DISP1: variants seen among roughly 807,000 people sequenced by gnomAD.
DISP1 encodes the protein dispatched RND transporter family member 1, also known as protein dispatched homolog 1.
Under a neutral mutation model 37.3 loss-of-function variants are expected in DISP1, and 30 were observed. That is an observed-to-expected ratio of 0.80 (90% CI 0.60 to 1.09). The LOEUF (loss-of-function observed/expected upper bound fraction) is 1.09. Among genes scored for constraint, DISP1 ranks in the 50% least tolerant of loss-of-function variants. DISP1 has a pLI of 0.00. For missense variants in DISP1, 1,598 were observed against 1,879.5 expected (o/e 0.85, Z 2.77); for synonymous variants, 634 against 690.2 (o/e 0.92, Z 1.28).
intron 3 of DISP1, among the ~76,000 whole-genome samples, chr1:222,971,850 G>A (rs1361552475): frequency 6.6e-6 from 1 of 152,096 alleles, no homozygotes; most frequent in Non-Finnish European, 1.5e-5. Flanking sequence ...TAGTGAAAAT[G>A]TGGAAAGGTT....
chr1:222,867,224 C>T (rs1572378779), intron 1 of DISP1, among the ~76,000 whole-genome samples: 1 of 152,288 alleles, frequency 6.6e-6, no homozygotes, highest in East Asian at 1.9e-4. Context: ...CCTTGATGGT[C>T]ATTGAACATT....
intron 1 of DISP1, among the ~76,000 whole-genome samples, chr1:222,870,486 C>T (rs1382934279): frequency 6.6e-6 from 1 of 152,166 alleles, no homozygotes; most frequent in Non-Finnish European, 1.5e-5. Context: ...GCCATTCTAA[C>T]TGGTGTGAGA....
intron 1 of DISP1, among the ~76,000 whole-genome samples, chr1:222,873,887 G>T (rs1669769902): frequency 6.6e-6 from 1 of 152,098 alleles, no homozygotes; most frequent in East Asian, 1.9e-4. Context: ...TTTACAATTT[G>T]GCATGTTTTT....
Position 222,978,826 on chromosome 1 carries a change from G to A in DISP1, c.510-4254G>A, listed in dbSNP as rs186297169. Among the ~76,000 whole-genome samples, 1,221 of 152,280 alleles carry A rather than the reference G, an allele frequency of 8.0e-3. 21 individuals are homozygous for A. The highest frequency in any genetic ancestry group is 0.028 in the African/African-American group (1,158 of 41,544). On this transcript the variant is annotated intron_variant, in intron 3 of 8. Coordinates refer to ENST00000675850, the MANE Select transcript of DISP1 (RefSeq NM_001377229.1). Reference sequence around the variant, plus strand: ...TGTCAGGTTTGTCAAAGATCAGATAGTTGTAGATATGTGGCATTATTTCTG... The same window carrying A: ...TGTCAGGTTTGTCAAAGATCAGATAATTGTAGATATGTGGCATTATTTCTG...
At chr1:223,002,309 G>A (rs1352988887) in intron 8 of DISP1, 76 bp from the exon 9 acceptor site, 14 of 1,326,386 alleles carry the variant, frequency 1.1e-5, no homozygotes, top group Non-Finnish European at 1.3e-5. Context: ...GATCACCTTA[G>A]TGCAGTCCTT....
Position 222,934,246 on chromosome 1 carries a change from C to T in DISP1, c.-18+5676C>T, listed in dbSNP as rs1029294891. Among the ~76,000 whole-genome samples the T allele has an allele frequency of 5.9e-5, 9 of 151,912 alleles. No individual in the cohort carries two copies. In the East Asian group the frequency reaches 1.5e-3, roughly 26 times the overall value. On this transcript the variant is annotated intron_variant, in intron 2 of 8. Coordinates refer to ENST00000675850, the MANE Select transcript of DISP1 (RefSeq NM_001377229.1). ...CATACTGGTCTGAGATTAAAGCATG[C>T]AATTTGGATTAGCTACTTTAATATT...
intron 1 of DISP1, among the ~76,000 whole-genome samples, chr1:222,878,808 A>G (rs924564631): frequency 6.6e-6 from 1 of 152,174 alleles, no homozygotes; most frequent in African/African-American, 2.4e-5. Flanking sequence ...GCACCTTCAA[A>G]TATTCATTTT....
Position 222,942,797 on chromosome 1 carries a change from TCTTA to T in DISP1, c.-17-5_-17-2del, listed in dbSNP as rs942951548. On this transcript the variant is annotated splice_polypyrimidine_tract_variant and splice_region_variant and intron_variant, in intron 2 of 8. Transcript: ENST00000675850. ...CTGTAACTGGGCGATTTTATGATTT[TCTTA>T]CTTAGAGTCAAGAAATTGGAGCATG... is the stretch of plus-strand genomic sequence containing the variant. The T allele has an allele frequency of 1.2e-6, 2 of 1,614,004 alleles. No individual in the cohort carries two copies. Among genetic ancestry groups the T allele is most frequent in the African/African-American group, 1.3e-5 (1 of 74,902 alleles).
intron 2 of DISP1, among the ~76,000 whole-genome samples, chr1:222,940,133 A>C (rs918924415): frequency 1.7e-5 from 2 of 120,456 alleles, no homozygotes; most frequent in Middle Eastern, 3.9e-3. Context: ...CTCAAAAAAA[A>C]AAAGAAAAGA....
At chr1:222,842,384 C>T (rs1558287694) in intron 1 of DISP1, among the ~76,000 whole-genome samples, 1 of 151,406 alleles carries the variant, frequency 6.6e-6, no homozygotes, top group Non-Finnish European at 1.5e-5. Context: ...GGACAGAACA[C>T]TATTTGTCCT....
rs757026962 is a variant in DISP1 at position 223,004,500 on chromosome 1, A to G, written c.3103A>G (p.Asn1035Asp). The change falls in exon 9 of 9, where the codon AAT becomes GAT. Residue 1035 changes from asparagine to aspartate, a missense_variant. Asn to Asp is a conservative substitution (Grantham distance 23). Transcript: ENST00000675850. This position sits in a 1 kb window ranked among gnomAD's most constrained non-coding sequence, Gnocchi z 4.9. Reference sequence around the variant, plus strand: ...TCTTGTCCTGCTGGGCTGGGAGCTCAATGTGTTGGAATCTGTCACCATTTC... The same window carrying G: ...TCTTGTCCTGCTGGGCTGGGAGCTCGATGTGTTGGAATCTGTCACCATTTC... ...GSLVLLGWELNVLESVTISVA... is the reference protein window; with the variant it reads ...GSLVLLGWELDVLESVTISVA... 3 of 1,614,188 alleles carry G rather than the reference A, an allele frequency of 1.9e-6. No individual in the cohort carries two copies. In the South Asian group the frequency reaches 3.3e-5, roughly 18 times the overall value.
In DISP1 at chr1:222,935,838, C is replaced by T. The variant is rs116693955; in HGVS notation, c.-17-6969C>T. 2.6e-3 allele frequency among the ~76,000 whole-genome samples: 402 copies of T among 152,274 alleles called. 1 individual carries two copies. Among genetic ancestry groups the T allele is most frequent in the African/African-American group, 9.1e-3 (378 of 41,544 alleles). Reference sequence around the variant, plus strand: ...CAAGTAGCTGCTGAGGTTTTCTTAACGCTATTTGTATTCTGGGAGCCATCT... The same window carrying T: ...CAAGTAGCTGCTGAGGTTTTCTTAATGCTATTTGTATTCTGGGAGCCATCT... On this transcript the variant is annotated intron_variant, in intron 2 of 8. Transcript: ENST00000675850.
chr1:222,927,989 A>G (rs569595775), intron 1 of DISP1, among the ~76,000 whole-genome samples: 3 of 152,244 alleles, frequency 2.0e-5, no homozygotes, highest in Non-Finnish European at 4.4e-5. Context: ...GAACACAAGA[A>G]TCCCTGGAAC....
intron 1 of DISP1, among the ~76,000 whole-genome samples, chr1:222,913,752 G>GA (rs34122430): frequency 0.097 from 14,154 of 146,490 alleles, 698 homozygotes; most frequent in South Asian, 0.19. Context: ...ACAAAAAAAA[G>GA]AAAAAAAAAA....
At chr1:222,882,452 A>G (rs1251386539) in intron 1 of DISP1, among the ~76,000 whole-genome samples, 1 of 152,204 alleles carries the variant, frequency 6.6e-6, no homozygotes, top group Non-Finnish European at 1.5e-5. Flanking sequence ...TTCTAATACA[A>G]TGGCAGAAGG....
chr1:222,975,839 A>G (rs1677279672), intron 3 of DISP1, among the ~76,000 whole-genome samples: 1 of 152,220 alleles, frequency 6.6e-6, no homozygotes, highest in Non-Finnish European at 1.5e-5. Context: ...TTTTTAAAAA[A>G]CAGATATGAG....
At chr1:222,950,703 A>C (rs1411573689) in intron 3 of DISP1, among the ~76,000 whole-genome samples, 1 of 152,142 alleles carries the variant, frequency 6.6e-6, no homozygotes, top group Non-Finnish European at 1.5e-5. Flanking sequence ...CCATTTGATG[A>C]TCTGTTCTTT....
At chr1:222,859,388 T>C (rs1668749252) in intron 1 of DISP1, among the ~76,000 whole-genome samples, 1 of 152,140 alleles carries the variant, frequency 6.6e-6, no homozygotes, top group Non-Finnish European at 1.5e-5. Flanking sequence ...ATGCTGGGCT[T>C]AACACCTAGG....
intron 1 of DISP1, among the ~76,000 whole-genome samples, chr1:222,823,070 A>C (rs571729663): frequency 6.6e-6 from 1 of 152,316 alleles, no homozygotes; most frequent in African/African-American, 2.4e-5. Flanking sequence ...ACACTTGTAC[A>C]CTGTTGGTGG....
Sources: gnomAD v4.1 joint callset for allele counts (sites outside exome capture counted in the v4.1 genomes callset) on GRCh38, gnomAD v4.1.1 for gene constraint, Gnocchi (gnomAD v3.1) non-coding constraint, MANE v1.5 for transcripts, NCBI Gene and HGNC (gene_info 2026-07-23, HGNC 2026-07-21) for gene names.